The following GRM8 variants were observed in gnomAD, a reference collection of about 807,000 sequenced individuals.
GRM8 encodes metabotropic glutamate receptor 8.
GRM8 carries 47 observed loss-of-function variants against 87.2 expected under a neutral mutation model. That is an observed-to-expected ratio of 0.54 (90% CI 0.43 to 0.69). The LOEUF is 0.69. Ranked by LOEUF, GRM8 falls within the 30% of genes least tolerant of loss-of-function variation. The probability of loss-of-function intolerance (pLI) is 0.00; values close to 1 mark genes in which losing one functional copy is unlikely to be tolerated. For missense variants in GRM8, 1,019 were observed against 1,139.2 expected (o/e 0.89, Z 1.52); for synonymous variants, 396 against 404.5 (o/e 0.98, Z 0.25).
intron 3 of GRM8, among the ~76,000 whole-genome samples, chr7:126,915,824 A>G (rs1178065470): frequency 6.6e-6 from 1 of 152,182 alleles, no homozygotes; most frequent in Non-Finnish European, 1.5e-5. Flanking sequence ...GCAGAAAAGG[A>G]ATTCTCTGTA....
intron 3 of GRM8, among the ~76,000 whole-genome samples, chr7:126,915,220 G>C (rs1479979631): frequency 6.6e-6 from 1 of 152,186 alleles, no homozygotes; most frequent in Non-Finnish European, 1.5e-5. Context: ...AGCTATGTGA[G>C]ACTGGGTAAG....
At chr7:126,793,752 T>C (rs1255382788) in intron 6 of GRM8, among the ~76,000 whole-genome samples, 3 of 152,190 alleles carry the variant, frequency 2.0e-5, no homozygotes, top group Non-Finnish European at 2.9e-5. Context: ...ATAGTAATTG[T>C]TCAGTTTTGC....
intron 3 of GRM8, among the ~76,000 whole-genome samples, chr7:127,087,017 G>A (rs1271439670): frequency 6.6e-6 from 1 of 152,158 alleles, no homozygotes; most frequent in African/African-American, 2.4e-5. Flanking sequence ...AATAAATAAG[G>A]GTGGAAAGGA....
intron 9 of GRM8, among the ~76,000 whole-genome samples, chr7:126,532,261 A>G (rs932979165): frequency 6.6e-6 from 1 of 152,246 alleles, no homozygotes; most frequent in Admixed American, 6.5e-5. Flanking sequence ...TCTAAAATTT[A>G]TAAGCTGCTT....
At chr7:127,017,771 G>A (rs1324314531) in intron 3 of GRM8, among the ~76,000 whole-genome samples, 2 of 151,884 alleles carry the variant, frequency 1.3e-5, no homozygotes, top group Non-Finnish European at 2.9e-5. Context: ...GAGAGGGGAA[G>A]ATTAATCCAG....
intron 9 of GRM8, among the ~76,000 whole-genome samples, chr7:126,529,131 C>A (rs1476556060): frequency 1.3e-5 from 2 of 151,698 alleles, no homozygotes; most frequent in Admixed American, 1.3e-4. Flanking sequence ...ATAATGACAA[C>A]TTTTTAGAAA....
chr7:126,441,578 G>A (rs1801468664), intron 10 of GRM8, among the ~76,000 whole-genome samples: 2 of 149,402 alleles, frequency 1.3e-5, no homozygotes, highest in Admixed American at 6.6e-5. Flanking sequence ...AAGAATGTAT[G>A]TGTTTCAATA....
intron 2 of GRM8, among the ~76,000 whole-genome samples, chr7:127,242,422 AC>A (rs1365602509): frequency 6.6e-6 from 1 of 152,178 alleles, no homozygotes; most frequent in African/African-American, 2.4e-5. Context: ...TCCCAAGATG[AC>A]AAGGACCCAA....
At chr7:126,451,683 T>C (rs1041808041) in intron 9 of GRM8, among the ~76,000 whole-genome samples, 6 of 151,778 alleles carry the variant, frequency 4.0e-5, no homozygotes, top group Non-Finnish European at 8.8e-5. Context: ...GTTTACTCTT[T>C]TTTTACTCAT....
chr7:127,015,068 AAAGAAAGAAGGAGAAG>A (rs1815384495), intron 3 of GRM8, among the ~76,000 whole-genome samples: 1 of 93,218 alleles, frequency 1.1e-5, no homozygotes, highest in Non-Finnish European at 2.7e-5. Flanking sequence ...GAAGAAGAAG[AAAGAAAGAAGGAGAAG>A]AAGGAGAAGA....
chr7:127,178,467 A>C (rs530924262), intron 2 of GRM8, among the ~76,000 whole-genome samples: 1 of 152,336 alleles, frequency 6.6e-6, no homozygotes, highest in Non-Finnish European at 1.5e-5. Flanking sequence ...GCCTTGCTAG[A>C]GACCTACACA....
At chr7:127,108,932 T>A (rs1339596950) in intron 2 of GRM8, among the ~76,000 whole-genome samples, 1 of 152,210 alleles carries the variant, frequency 6.6e-6, no homozygotes, top group Non-Finnish European at 1.5e-5. Flanking sequence ...TCAGGGTATA[T>A]GAATAGTATT....
chr7:126,604,523 C>A (rs905456891), intron 8 of GRM8, among the ~76,000 whole-genome samples: 1 of 152,078 alleles, frequency 6.6e-6, no homozygotes, highest in African/African-American at 2.4e-5. Context: ...TCGTTCAATA[C>A]TTAATATGTA....
At chr7:126,987,634 G>C (rs931329372) in intron 3 of GRM8, among the ~76,000 whole-genome samples, 2 of 151,856 alleles carry the variant, frequency 1.3e-5, no homozygotes, top group Non-Finnish European at 2.9e-5. Context: ...CTAATTTTTT[G>C]TATTTTTTTT....
At chr7:126,956,958 A>G (rs1029230516) in intron 3 of GRM8, among the ~76,000 whole-genome samples, 1 of 152,214 alleles carries the variant, frequency 6.6e-6, no homozygotes, top group African/African-American at 2.4e-5. Context: ...AATCTACGCA[A>G]TGAAAGACCT....
intron 3 of GRM8, among the ~76,000 whole-genome samples, chr7:127,103,418 C>T (rs1251848766): frequency 6.6e-6 from 1 of 152,122 alleles, no homozygotes; most frequent in Non-Finnish European, 1.5e-5. Context: ...GCACCTCCTC[C>T]CCTTGCTCCT....
intron 3 of GRM8, among the ~76,000 whole-genome samples, chr7:126,914,179 AC>A (rs1803618189): frequency 6.6e-6 from 1 of 152,200 alleles, no homozygotes; most frequent in Admixed American, 6.5e-5. Flanking sequence ...AAAATGCTCA[AC>A]ATCACTGGTC....
chr7:126,917,838 G>A (rs1433554983), intron 3 of GRM8, among the ~76,000 whole-genome samples: 1 of 152,064 alleles, frequency 6.6e-6, no homozygotes, highest in Non-Finnish European at 1.5e-5. Flanking sequence ...ATGTTTTTTG[G>A]TCTGGTTCAA....
intron 3 of GRM8, among the ~76,000 whole-genome samples, chr7:127,030,144 G>A (rs145806470): frequency 6.6e-6 from 1 of 152,006 alleles, no homozygotes; most frequent in Non-Finnish European, 1.5e-5. Context: ...TCCTCAAGTT[G>A]AGTGCTTCAA....
Sources: allele counts gnomAD v4.1 joint callset (sites outside exome capture counted in the v4.1 genomes callset), GRCh38; gene constraint gnomAD v4.1.1; transcripts MANE v1.5; gene names NCBI Gene and HGNC (gene_info 2026-07-23, HGNC 2026-07-21).